The following R3HDM4 variants were observed in gnomAD, a reference collection of about 807,000 sequenced individuals.
R3HDM4 encodes the protein R3H domain-containing protein 4.
R3HDM4 carries 30 observed loss-of-function variants against 31.3 expected under a neutral mutation model. The observed-to-expected ratio is 0.96, with a 90% CI of 0.72 to 1.30. The LOEUF (loss-of-function observed/expected upper bound fraction) is 1.30, where lower values mean the gene tolerates loss of function less well. Ranked by LOEUF, R3HDM4 falls within the 50% of genes most tolerant of loss-of-function variation. The pLI, the probability that R3HDM4 is intolerant of heterozygous loss-of-function variation, is 0.00. For synonymous variants in R3HDM4, 196 were observed against 156.6 expected (o/e 1.25, Z -1.88); for missense variants, 444 against 366.1 (o/e 1.21, Z -1.74).
At chr19:905,783 G>A (rs936488507) in intron 1 of R3HDM4, among the ~76,000 whole-genome samples, 3 of 151,950 alleles carry the variant, frequency 2.0e-5, no homozygotes, top group Non-Finnish European at 2.9e-5. Context: ...CACAGACTGC[G>A]GCAAAAATCT....
chr19:900,294 C>T, intron 4 of R3HDM4, 148 bp from the exon 5 acceptor site: 1 of 613,228 alleles, frequency 1.6e-6, no homozygotes, highest in Non-Finnish European at 2.8e-6. Flanking sequence ...GATACTGTGG[C>T]CCCATCCAGC....
rs1192246264 is a variant in R3HDM4 at position 900,043 on chromosome 19, C to T, written c.561+18G>A. 8 of 1,610,388 alleles carry T rather than the reference C, an allele frequency of 5.0e-6. No individual in the cohort carries two copies. Among genetic ancestry groups the T allele is most frequent in the East Asian group, 2.2e-5 (1 of 44,860 alleles). ...ACCAGGCAGGTAGAAAAGGGAGGCC[C>T]GGCAATCCCCCACTCACCATGGGGA... On this transcript the variant is annotated intron_variant, in intron 5 of 7. Transcript: ENST00000361574.
Position 900,895 on chromosome 19 carries a change from G to A in R3HDM4, c.409C>T (p.Leu137=), listed in dbSNP as rs201114227. The A allele has an allele frequency of 3.1e-6, 5 of 1,601,744 alleles. No homozygotes were observed. The highest frequency in any genetic ancestry group is 4.3e-6 in the Non-Finnish European group (5 of 1,175,884). ...GEEQERVLRY[L]EDEGRSKARR... ...GCCTTGCTCCTGCCCTCATCCTCCA[G>A]GTAGCGAAGAACCCGCTCCTGCTCC... The change falls in exon 4 of 8, where the codon CTG becomes TTG. Residue 137 remains leucine (L), a synonymous_variant. Coordinates refer to ENST00000361574, the MANE Select transcript of R3HDM4 (RefSeq NM_138774.4).
intron 3 of R3HDM4, 45 bp from the exon 4 acceptor site, chr19:900,997 C>T (rs1186496322): frequency 2.0e-6 from 3 of 1,518,512 alleles, no homozygotes; most frequent in South Asian, 2.6e-5. Flanking sequence ...AACACTGGGG[C>T]TGCGCTGACA....
chr19:903,224 C>T (rs542715160), intron 1 of R3HDM4, among the ~76,000 whole-genome samples: 2 of 130,692 alleles, frequency 1.5e-5, no homozygotes, highest in Non-Finnish European at 3.5e-5. Flanking sequence ...AAGGTGATGC[C>T]TCAGCCCCCC....
At chr19:905,226 G>A (rs558828505) in intron 1 of R3HDM4, among the ~76,000 whole-genome samples, 6 of 151,518 alleles carry the variant, frequency 4.0e-5, no homozygotes, top group African/African-American at 1.5e-4. Context: ...AAAGTACGCT[G>A]GGCGCAGTGG....
intron 1 of R3HDM4, among the ~76,000 whole-genome samples, chr19:903,921 G>C (rs2965296): frequency 0.029 from 4,408 of 152,132 alleles, 223 homozygotes; most frequent in African/African-American, 0.1. Context: ...CGTGGTGGTG[G>C]GCACCTGTAA....
chr19:904,088 A>G (rs1265051660), intron 1 of R3HDM4, among the ~76,000 whole-genome samples: 2 of 152,104 alleles, frequency 1.3e-5, no homozygotes, highest in Admixed American at 6.6e-5. Flanking sequence ...TGCTAGCTCC[A>G]CTGGGCTCAC....
intron 7 of R3HDM4, among the ~76,000 whole-genome samples, chr19:898,207 C>A (rs1244209450): frequency 2.3e-5 from 3 of 131,048 alleles, no homozygotes; most frequent in Non-Finnish European, 4.8e-5. Context: ...CACAGTGAAA[C>A]CCTGTCTCTA....
rs1387359941 is a variant in R3HDM4, at chr19:907,022, G to A, written c.72-4892C>T. Among the ~76,000 whole-genome samples, 2 of 151,652 alleles carry A rather than the reference G, an allele frequency of 1.3e-5. No homozygotes were observed. The highest frequency in any genetic ancestry group is 2.4e-5 in the African/African-American group (1 of 41,246). ...GTAGAGACGGGGTTTCACCATGTTG[G>A]CAGGCTGGTCTTGAACTCCTGACCT... is the stretch of plus-strand genomic sequence containing the variant. On this transcript the variant is annotated intron_variant, in intron 1 of 7. Coordinates refer to ENST00000361574, the MANE Select transcript of R3HDM4 (RefSeq NM_138774.4). The surrounding 1 kb of genome is among the most constrained non-coding windows in gnomAD (Gnocchi z 4.1).
In R3HDM4 at chr19:899,702, CG is replaced by C; in HGVS notation, c.562-17del. ...CCAGCGTTTCCTGGGGAGAGCGGCC[CG>C]GTGGTCAGGGAACTGCGGGACCTGT... On this transcript the variant is annotated splice_polypyrimidine_tract_variant and intron_variant, in intron 5 of 7. Coordinates refer to ENST00000361574, the MANE Select transcript of R3HDM4 (RefSeq NM_138774.4). This position sits in a 1 kb window ranked among gnomAD's most constrained non-coding sequence, Gnocchi z 6.8. 3.2e-6 allele frequency: 5 copies of C among 1,553,152 alleles called. No homozygotes were observed. Among genetic ancestry groups the C allele is most frequent in the Non-Finnish European group, 4.3e-6 (5 of 1,149,674 alleles).
At chr19:901,870 C>T (rs2036842030) in intron 2 of R3HDM4, 106 bp downstream of exon 2, 3 of 1,426,716 alleles carry the variant, frequency 2.1e-6, no homozygotes, top group Non-Finnish European at 2.9e-6. Flanking sequence ...GGGTCCCCAG[C>T]CCCACCCAGG....
At chr19:911,110 G>A (rs1402371380) in intron 1 of R3HDM4, among the ~76,000 whole-genome samples, 2 of 150,554 alleles carry the variant, frequency 1.3e-5, no homozygotes, top group Admixed American at 6.6e-5. Context: ...GACAGAGTGA[G>A]ACTCTGTCTC....
intron 1 of R3HDM4, among the ~76,000 whole-genome samples, chr19:911,605 C>CT (rs1387746194): frequency 6.6e-6 from 1 of 152,238 alleles, no homozygotes; most frequent in Non-Finnish European, 1.5e-5. Flanking sequence ...GAAGGGGAAA[C>CT]TGAGGCATGG....
At chr19:903,975 G>A (rs577662953) in intron 1 of R3HDM4, among the ~76,000 whole-genome samples, 13 of 151,986 alleles carry the variant, frequency 8.6e-5, no homozygotes, top group Non-Finnish European at 1.2e-4. Flanking sequence ...GGTGTGAACC[G>A]GGGAGGCAGA....
chr19:911,938 G>C (rs887242432), intron 1 of R3HDM4, among the ~76,000 whole-genome samples: 2 of 150,710 alleles, frequency 1.3e-5, no homozygotes, highest in African/African-American at 2.4e-5. Context: ...GAGTGGGGCC[G>C]GGCGTGCGGC....
At chr19:902,220 C>T in intron 1 of R3HDM4, 90 bp from the exon 2 acceptor site, 1 of 1,471,134 alleles carries the variant, frequency 6.8e-7, no homozygotes, top group Non-Finnish European at 9.3e-7. Context: ...CGCTTGGTTT[C>T]CCCCAGCAAT....
chr19:913,055 G>C lies in R3HDM4; in HGVS notation c.71+32C>G. 3.5e-6 allele frequency: 3 copies of C among 866,606 alleles called. No individual in the cohort carries two copies. Among genetic ancestry groups the C allele is most frequent in the Non-Finnish European group, 4.2e-6 (3 of 709,042 alleles). The allele number at this position is 866,606 out of a possible 1,614,324, so 53.7% of individuals were successfully genotyped here. On this transcript the variant is annotated intron_variant, in intron 1 of 7. Transcript: ENST00000361574. This position sits in a 1 kb window ranked among gnomAD's most constrained non-coding sequence, Gnocchi z 5.0. ...GGGGAGGGAGCCCAGCCCGCCCCCG[G>C]CGCCCGCCGCGCCCCGCCCGCCCGC...
chr19:901,299 C>T, intron 3 of R3HDM4, 123 bp downstream of exon 3: 2 of 1,107,574 alleles, frequency 1.8e-6, no homozygotes, highest in Non-Finnish European at 2.5e-6. Context: ...ACTGAGGGGC[C>T]TTCATTAGGA....
Sources: allele counts gnomAD v4.1 joint callset (sites outside exome capture counted in the v4.1 genomes callset), GRCh38; gene constraint gnomAD v4.1.1; non-coding constraint Gnocchi (gnomAD v3.1); transcripts MANE v1.5; gene names NCBI Gene and HGNC (gene_info 2026-07-23, HGNC 2026-07-21).